Variants in DUSP13B observed in about 807,000 individuals in gnomAD.
The protein encoded by DUSP13B is dual specificity protein phosphatase 13B.
chr10:75,103,307 C>T, the DUSP13B span, among the ~76,000 whole-genome samples: 3 of 152,200 alleles, frequency 2.0e-5, no homozygotes. Flanking sequence ...GGATAAAGAC[C>T]TAGAAGACTC....
the DUSP13B span, among the ~76,000 whole-genome samples, chr10:75,106,799 T>C: frequency 6.6e-6 from 1 of 152,230 alleles, no homozygotes; most frequent in Non-Finnish European, 1.5e-5. Flanking sequence ...GGTGAATGAA[T>C]GGATAAATAG....
the DUSP13B span, among the ~76,000 whole-genome samples, chr10:75,100,354 C>T: frequency 1.3e-5 from 2 of 152,122 alleles, no homozygotes; most frequent in Non-Finnish European, 2.9e-5. Flanking sequence ...CAGGGTGTTG[C>T]CCCACCTGTC....
At chr10:75,107,963 G>A in the DUSP13B span, 7 of 1,589,798 alleles carry the variant, frequency 4.4e-6, no homozygotes, top group South Asian at 6.8e-5. Flanking sequence ...TGAGCAAGAT[G>A]GGATATGGGC....
the DUSP13B span, among the ~76,000 whole-genome samples, chr10:75,101,168 T>C: frequency 2.0e-5 from 3 of 152,152 alleles, no homozygotes; most frequent in African/African-American, 7.2e-5. Context: ...CCTGAGGGTC[T>C]TGGGGAGGGC....
chr10:75,100,812 C>A, the DUSP13B span, among the ~76,000 whole-genome samples: 1 of 152,340 alleles, frequency 6.6e-6, no homozygotes, highest in Middle Eastern at 3.4e-3. Context: ...GTCACTCCCC[C>A]GTTTGCCTCT....
At chr10:75,105,920 CG>C in the DUSP13B span, 3 of 1,515,282 alleles carry the variant, frequency 2.0e-6, no homozygotes, top group African/African-American at 4.1e-5. Context: ...GGCCCACCCA[CG>C]GGCTGGGATG....
chr10:75,098,767 C>T, the DUSP13B span, among the ~76,000 whole-genome samples: 4 of 152,240 alleles, frequency 2.6e-5, no homozygotes, highest in South Asian at 6.2e-4. Flanking sequence ...ATCTCAACAA[C>T]AACAAAAAGC....
chr10:75,101,844 C>A, the DUSP13B span: 27 of 1,362,642 alleles, frequency 2.0e-5, no homozygotes, highest in Middle Eastern at 3.0e-4. Flanking sequence ...CCTACCCCCC[C>A]CAAATTAGGA....
the DUSP13B span, chr10:75,108,411 G>T: frequency 1.1e-6 from 1 of 932,816 alleles, no homozygotes; most frequent in Non-Finnish European, 1.5e-6. Context: ...CGGTGTGTGT[G>T]TCGGGGGATC....
the DUSP13B span, chr10:75,098,962 G>A: frequency 8.1e-7 from 1 of 1,231,448 alleles, no homozygotes; most frequent in Non-Finnish European, 1.0e-6. Context: ...TAACCCATCT[G>A]CTTCCTCAAG....
At chr10:75,101,017 G>C in the DUSP13B span, among the ~76,000 whole-genome samples, 43 of 152,362 alleles carry the variant, frequency 2.8e-4, no homozygotes, top group African/African-American at 9.1e-4. Context: ...TCCACTCCAG[G>C]GAGGCCAGAC....
the DUSP13B span, among the ~76,000 whole-genome samples, chr10:75,098,499 C>T: frequency 0.18 from 27,506 of 152,168 alleles, 2,701 homozygotes; most frequent in East Asian, 0.24. Flanking sequence ...CGGTGGCTCA[C>T]ACTTGTAATC....
At chr10:75,099,155 G>C in the DUSP13B span, 1 of 1,232,224 alleles carries the variant, frequency 8.1e-7, no homozygotes. Context: ...ACCAGAATAT[G>C]GGCCTGGTGC....
chr10:75,101,190 G>T, the DUSP13B span, among the ~76,000 whole-genome samples: 1 of 152,188 alleles, frequency 6.6e-6, no homozygotes, highest in Non-Finnish European at 1.5e-5. Context: ...GACCTGGGTA[G>T]AAATCTCAGG....
At chr10:75,099,252 C>T in the DUSP13B span, 1 of 1,232,292 alleles carries the variant, frequency 8.1e-7, no homozygotes, top group Non-Finnish European at 1.0e-6. Context: ...GGAAGAACAT[C>T]TTTTCCCTTT....
chr10:75,097,015 T>C, the DUSP13B span, among the ~76,000 whole-genome samples: 1 of 152,152 alleles, frequency 6.6e-6, no homozygotes, highest in African/African-American at 2.4e-5. Flanking sequence ...TGAAACTAAC[T>C]ACACTGTTTA....
the DUSP13B span, chr10:75,094,940 G>A: frequency 6.8e-7 from 1 of 1,476,394 alleles, no homozygotes; most frequent in Non-Finnish European, 9.3e-7. Flanking sequence ...CCTTTGGGAA[G>A]AAGAGACACC....
the DUSP13B span, chr10:75,099,128 G>A: frequency 1.9e-5 from 23 of 1,232,196 alleles, no homozygotes; most frequent in East Asian, 6.3e-5. Flanking sequence ...ACCCTGCGGA[G>A]CTGGATTTTC....
the DUSP13B span, chr10:75,094,549 C>T: frequency 9.4e-7 from 1 of 1,062,118 alleles, no homozygotes; most frequent in East Asian, 2.6e-5. Flanking sequence ...CCAGCTATCC[C>T]TGCCTCTGCC....
Sources: gnomAD v4.1 joint callset for allele counts (sites outside exome capture counted in the v4.1 genomes callset) on GRCh38, gnomAD v4.1.1 for gene constraint, MANE v1.5 for transcripts, NCBI Gene and HGNC (gene_info 2026-07-23, HGNC 2026-07-21) for gene names.